The following TOGARAM1 variants were observed in gnomAD, a reference collection of about 807,000 sequenced individuals.
TOGARAM1 encodes the protein TOG array regulator of axonemal microtubules 1.
Under a neutral mutation model 166.6 loss-of-function variants are expected in TOGARAM1, and 100 were observed. The observed-to-expected ratio is 0.60, with a 90% CI of 0.51 to 0.71. The LOEUF is 0.71. Among genes scored for constraint, TOGARAM1 ranks in the 30% least tolerant of loss-of-function variants. The probability of loss-of-function intolerance (pLI) is 0.00; values close to 1 mark genes in which losing one functional copy is unlikely to be tolerated. For synonymous variants in TOGARAM1, 758 were observed against 763.8 expected (o/e 0.99, Z 0.13); for missense variants, 2,029 against 2,102.7 (o/e 0.96, Z 0.69).
chr14:45,052,967 A>T (rs1171062263), intron 15 of TOGARAM1, among the ~76,000 whole-genome samples: 2 of 151,268 alleles, frequency 1.3e-5, no homozygotes, highest in Non-Finnish European at 2.9e-5. Flanking sequence ...TGCATGTCCC[A>T]CTATTAGAGC....
intron 16 of TOGARAM1, among the ~76,000 whole-genome samples, chr14:45,057,430 T>G (rs1372556140): frequency 6.6e-6 from 1 of 152,014 alleles, no homozygotes; most frequent in Non-Finnish European, 1.5e-5. Context: ...TTTTTGTTGT[T>G]TATTTTTTTT....
At chr14:44,991,273 TG>T (rs917799761) in intron 1 of TOGARAM1, among the ~76,000 whole-genome samples, 2 of 151,616 alleles carry the variant, frequency 1.3e-5, no homozygotes, top group Non-Finnish European at 2.9e-5. Context: ...TTTTTGTTTT[TG>T]TTTTTTTTTT....
chr14:45,057,202 AT>A (rs1882684792), intron 16 of TOGARAM1, among the ~76,000 whole-genome samples: 1 of 151,572 alleles, frequency 6.6e-6, no homozygotes, highest in Non-Finnish European at 1.5e-5. Context: ...CTCCTTTCTG[AT>A]TTTGTTTATT....
intron 1 of TOGARAM1, among the ~76,000 whole-genome samples, chr14:44,983,368 C>G (rs1326900559): frequency 6.6e-6 from 1 of 151,964 alleles, no homozygotes; most frequent in East Asian, 1.9e-4. Flanking sequence ...TGTTTTAAGT[C>G]AAAAGAAAGG....
At chr14:45,021,723 G>A (rs990809972) in intron 7 of TOGARAM1, among the ~76,000 whole-genome samples, 80 of 152,278 alleles carry the variant, frequency 5.3e-4, no homozygotes, top group African/African-American at 1.9e-3. Flanking sequence ...TTCCCAGGAT[G>A]TATCTAGGGA....
At chr14:44,969,802 A>T (rs1885782857) in intron 1 of TOGARAM1, among the ~76,000 whole-genome samples, 2 of 152,116 alleles carry the variant, frequency 1.3e-5, no homozygotes, top group Admixed American at 1.3e-4. Context: ...TTTGTTGACA[A>T]CACTGTCTTT....
intron 7 of TOGARAM1, chr14:45,025,576 A>AAAAGG (rs1378638940): frequency 9.7e-6 from 4 of 411,922 alleles, no homozygotes; most frequent in African/African-American, 2.1e-5. Flanking sequence ...AAAAAAAAAA[A>AAAAGG]AAAGGAAAGG....
At chr14:44,985,595 G>A (rs777152270) in intron 1 of TOGARAM1, among the ~76,000 whole-genome samples, 1 of 152,132 alleles carries the variant, frequency 6.6e-6, no homozygotes, top group Non-Finnish European at 1.5e-5. Flanking sequence ...TAATACCACC[G>A]CTGATCTGAC....
intron 2 of TOGARAM1, chr14:44,996,669 C>T (rs1887427362): frequency 6.6e-6 from 1 of 152,408 alleles, no homozygotes; most frequent in Non-Finnish European, 1.5e-5. Flanking sequence ...ATACCTGAGA[C>T]TGGGTAATTT....
At chr14:44,984,589 G>A (rs1201520964) in intron 1 of TOGARAM1, among the ~76,000 whole-genome samples, 1 of 151,084 alleles carries the variant, frequency 6.6e-6, no homozygotes, top group African/African-American at 2.4e-5. Flanking sequence ...GGCAATATAC[G>A]AGACCCTGTC....
chr14:44,983,004 C>T (rs1886611433), intron 1 of TOGARAM1, among the ~76,000 whole-genome samples: 1 of 152,068 alleles, frequency 6.6e-6, no homozygotes, highest in African/African-American at 2.4e-5. Flanking sequence ...AAGATAACAG[C>T]ACAGGGATAT....
At chr14:45,018,709 C>A (rs1376113761) in intron 7 of TOGARAM1, among the ~76,000 whole-genome samples, 1 of 152,122 alleles carries the variant, frequency 6.6e-6, no homozygotes, top group Non-Finnish European at 1.5e-5. Context: ...TAGTACTGTT[C>A]TGTTTGGCAG....
In TOGARAM1 at chr14:45,073,528, A is replaced by G. The variant is rs918004447; in HGVS notation, c.5289A>G (p.Glu1763=). Residue 1763 remains glutamate (E), a synonymous_variant, in exon 20 of 20, where the codon GAA becomes GAG. Coordinates refer to ENST00000361462, the MANE Select transcript of TOGARAM1 (RefSeq NM_001308120.2). ...CACATATCAAAAAGAGTTTGGAGGAATTACTCGATATGACAATTTTAAATG... is the reference window on the plus strand; with the variant it reads ...CACATATCAAAAAGAGTTTGGAGGAGTTACTCGATATGACAATTTTAAATG... ...QPPHIKKSLE[E]LLDMTILNEL 2 of 1,613,804 alleles carry G rather than the reference A, an allele frequency of 1.2e-6. No individual in the cohort carries two copies. Among genetic ancestry groups the G allele is most frequent in the Admixed American group, 1.7e-5 (1 of 59,996 alleles).
chr14:44,964,467 G>A lies in TOGARAM1; in HGVS notation c.2046G>A (p.Gln682=), dbSNP rs1594597886. The change falls in exon 1 of 20, where the codon CAG becomes CAA. Residue 682 remains glutamine (Q), a splice_region_variant and synonymous_variant. Coordinates refer to ENST00000361462, the MANE Select transcript of TOGARAM1 (RefSeq NM_001308120.2). ...CCTCCACTTCCAAGGATATAGAGCA[G>A]GTATGCTTCTCTAATTTTCTTGAGT... ...NQTSTSKDIE[Q]FSTYDFIPSA... 1 of 1,531,134 alleles carries A rather than the reference G, an allele frequency of 6.5e-7. No individual in the cohort carries two copies. The highest frequency in any genetic ancestry group is 8.8e-7 in the Non-Finnish European group (1 of 1,140,054). 94.8% of individuals were successfully genotyped at this position (1,531,134 alleles called of 1,614,324 possible). A position where few individuals can be genotyped will look rare whatever the true frequency, so the allele number is the denominator to read the frequency against.
rs868609050 is a variant in TOGARAM1, at chr14:44,963,299, A to G, written c.878A>G (p.Gln293Arg). 5 of 1,614,176 alleles carry G rather than the reference A, an allele frequency of 3.1e-6. No individual in the cohort carries two copies. Among genetic ancestry groups the G allele is most frequent in the Middle Eastern group, 1.6e-4 (1 of 6,062 alleles). ...GAGCGACTTGGCCAAGACAGGTTTC[A>G]ATCTTACATTTCTCGTCTGCCCTCT... ...IGERLGQDRF[Q>R]SYISRLPSAL... Residue 293 changes from glutamine to arginine, a missense_variant, in exon 1 of 20, where the codon CAA becomes CGA. Physicochemically the swap from Gln to Arg is conservative, Grantham distance 43. Coordinates refer to ENST00000361462, the MANE Select transcript of TOGARAM1 (RefSeq NM_001308120.2).
intron 14 of TOGARAM1, among the ~76,000 whole-genome samples, chr14:45,052,178 C>T (rs1245598396): frequency 6.6e-6 from 1 of 152,118 alleles, no homozygotes; most frequent in African/African-American, 2.4e-5. Context: ...AGTATGGTTT[C>T]CACAGAATCA....
chr14:45,070,009 C>T (rs904295936), intron 18 of TOGARAM1, among the ~76,000 whole-genome samples: 11 of 152,012 alleles, frequency 7.2e-5, no homozygotes, highest in Middle Eastern at 3.4e-3. Flanking sequence ...GGTGAAACCC[C>T]GTCTCTACTA....
rs1035304350 is a variant in TOGARAM1 at position 44,964,266 on chromosome 14, T to C, written c.1845T>C (p.Ala615=). Residue 615 remains alanine, a synonymous_variant, in exon 1 of 20, where the codon GCT becomes GCC. Coordinates refer to ENST00000361462, the MANE Select transcript of TOGARAM1 (RefSeq NM_001308120.2). ...AHGADTDWLL[A]GNRTQSAHCH... is the part of the protein sequence containing the mutation. ...GAGCAGATACGGACTGGCTTTTGGC[T>C]GGTAACAGAACTCAGAGTGCACACT... The C allele has an allele frequency of 3.7e-6, 6 of 1,614,154 alleles. No individual in the cohort carries two copies. Among genetic ancestry groups the C allele is most frequent in the Non-Finnish European group, 4.2e-6 (5 of 1,180,006 alleles).
At chr14:44,971,582 G>T (rs577381054) in intron 1 of TOGARAM1, among the ~76,000 whole-genome samples, 50 of 151,562 alleles carry the variant, frequency 3.3e-4, no homozygotes, top group South Asian at 1.5e-3. Flanking sequence ...TTTTTCTCCT[G>T]CTCACTTTGG....
Sources: allele counts gnomAD v4.1 joint callset (sites outside exome capture counted in the v4.1 genomes callset), GRCh38; gene constraint gnomAD v4.1.1; transcripts MANE v1.5; gene names NCBI Gene and HGNC (gene_info 2026-07-23, HGNC 2026-07-21).